ITGA6: variants seen among roughly 807,000 people sequenced by gnomAD.
The protein encoded by ITGA6 is integrin alpha-6.
In ITGA6, 63 loss-of-function variants were observed where a neutral mutation model predicts 133.6. The observed-to-expected ratio is 0.47, with a 90% confidence interval of 0.38 to 0.58. The LOEUF (loss-of-function observed/expected upper bound fraction) is 0.58, where lower values mean the gene tolerates loss of function less well. ITGA6 is among the 20% of genes least tolerant of loss of function. The probability of loss-of-function intolerance (pLI) is 0.00; values close to 1 mark genes in which losing one functional copy is unlikely to be tolerated. For missense variants in ITGA6, 1,068 were observed against 1,309.4 expected, an observed-to-expected ratio of 0.82 and a Z score of 2.85; for synonymous variants, 434 against 482.0, an observed-to-expected ratio of 0.90 and a Z score of 1.30.
At chr2:172,471,707 C>G (rs1685945292) in intron 5 of ITGA6, among the ~76,000 whole-genome samples, 1 of 152,074 alleles carries the variant, frequency 6.6e-6, no homozygotes, top group African/African-American at 2.4e-5. Flanking sequence ...TGTCTAAGGG[C>G]CAATTCTTAA....
chr2:172,490,745 G>A, intron 20 of ITGA6: 1 of 373,540 alleles, frequency 2.7e-6, no homozygotes, highest in Non-Finnish European at 5.1e-6. Context: ...CAGTTTGGTG[G>A]GGATACAGAG....
intron 23 of ITGA6, among the ~76,000 whole-genome samples, chr2:172,494,333 C>G (rs1444548894): frequency 6.6e-6 from 1 of 152,016 alleles, no homozygotes; most frequent in African/African-American, 2.4e-5. Context: ...ATAGCAAAAC[C>G]CCATCTCTAC....
In ITGA6 at chr2:172,447,350, G is replaced by A. The variant is rs775933956; in HGVS notation, c.183-18189G>A. Among the ~76,000 whole-genome samples, 12 of 152,120 alleles carry A rather than the reference G, an allele frequency of 7.9e-5. No individual in the cohort carries two copies. The East Asian group carries it at 1.5e-3, about 20-fold the overall frequency. On this transcript the variant is annotated intron_variant, in intron 1 of 25. Coordinates refer to ENST00000684293, the MANE Select transcript of ITGA6 (RefSeq NM_000210.4). ...CTCCCAAGTAGCTGGGATTGCAGGC[G>A]TCCACCACTATGCCCAGCTAATTTT...
chr2:172,483,753 G>A (rs1247583024), intron 11 of ITGA6, among the ~76,000 whole-genome samples: 1 of 152,112 alleles, frequency 6.6e-6, no homozygotes, highest in Non-Finnish European at 1.5e-5. Context: ...ATATTATGCT[G>A]ACCGACAGGC....
chr2:172,429,188 T>C (rs75369676), intron 1 of ITGA6, among the ~76,000 whole-genome samples: 1 of 150,654 alleles, frequency 6.6e-6, no homozygotes, highest in East Asian at 2.0e-4. Flanking sequence ...TTTTTTTTTT[T>C]CTGATAACAC....
intron 23 of ITGA6, among the ~76,000 whole-genome samples, chr2:172,497,518 AAAGT>A (rs1559156869): frequency 3.3e-5 from 5 of 151,736 alleles, no homozygotes; most frequent in African/African-American, 9.7e-5. Flanking sequence ...AAAAAAAAAA[AAAGT>A]ATGATTGTTC....
rs763284349 is a variant in ITGA6, at chr2:172,474,143, C to T, written c.864C>T (p.Ala288=). ...CTCCCAGAGCCAATCACAGTGGAGC[C>T]GTGGTTTTGCTGAAGAGAGACATGA... The part of the protein sequence containing the change: ...SGAPRANHSG[A]VVLLKRDMKS... The change falls in exon 6 of 26, where the codon GCC becomes GCT. Residue 288 remains alanine (A), a synonymous_variant. Coordinates refer to ENST00000684293, the MANE Select transcript of ITGA6 (RefSeq NM_000210.4). 8.1e-6 allele frequency: 13 copies of T among 1,613,832 alleles called. No homozygotes were observed. The highest frequency in any genetic ancestry group is 1.3e-5 in the African/African-American group (1 of 74,908).
chr2:172,493,270 A>G (rs903805688), intron 23 of ITGA6, among the ~76,000 whole-genome samples: 11 of 152,070 alleles, frequency 7.2e-5, no homozygotes, highest in Non-Finnish European at 1.5e-4. Context: ...AGTGGTATCA[A>G]CCAGCACTGT....
chr2:172,451,200 C>T (rs765084252), intron 1 of ITGA6, among the ~76,000 whole-genome samples: 13 of 150,844 alleles, frequency 8.6e-5, no homozygotes, highest in African/African-American at 2.4e-4. Context: ...AGGCCGGGCA[C>T]GGTGGTGTAA....
chr2:172,430,634 CTT>C (rs1684068078), intron 1 of ITGA6, among the ~76,000 whole-genome samples: 1 of 152,198 alleles, frequency 6.6e-6, no homozygotes, highest in Admixed American at 6.5e-5. Flanking sequence ...CCAGTTATGA[CTT>C]TTGCAGAATA....
intron 5 of ITGA6, chr2:172,473,035 C>A: frequency 1.6e-6 from 1 of 613,918 alleles, no homozygotes. Context: ...GGCTGGGGCT[C>A]TGTGGCCAGA....
At chr2:172,466,210 A>G (rs1427351674) in intron 2 of ITGA6, among the ~76,000 whole-genome samples, 1 of 152,220 alleles carries the variant, frequency 6.6e-6, no homozygotes, top group Non-Finnish European at 1.5e-5. Flanking sequence ...TTGTAGGTTG[A>G]GCAGAGCAAT....
At chr2:172,472,949 T>G in intron 5 of ITGA6, 4 of 1,065,496 alleles carry the variant, frequency 3.8e-6, no homozygotes, top group Non-Finnish European at 5.9e-6. Context: ...AAATTTTTTT[T>G]TTTGATCCAT....
At chr2:172,484,988 A>G (rs1686601754) in intron 12 of ITGA6, 46 bp downstream of exon 12, 2 of 1,604,448 alleles carry the variant, frequency 1.2e-6, no homozygotes, top group Non-Finnish European at 1.7e-6. Context: ...GAGGACAGAA[A>G]AAGGTTATAT....
chr2:172,487,589 GCTGA>G lies in ITGA6; in HGVS notation c.2207_2210del (p.Asp736ValfsTer19). The G allele has an allele frequency of 6.2e-7, 1 of 1,614,164 alleles. No homozygotes were observed. The highest frequency in any genetic ancestry group is 8.5e-7 in the Non-Finnish European group (1 of 1,180,014). ...TGTTGCCAACCAGAATGGCTCGCAA[GCTGA>G]CTGTGAGCTCGGAAATCCTTTTAAA... On this transcript the variant is annotated frameshift_variant, in exon 16 of 26. Transcript: ENST00000684293. LOFTEE classifies it high-confidence loss of function.
intron 5 of ITGA6, among the ~76,000 whole-genome samples, chr2:172,472,486 T>A: frequency 6.6e-6 from 1 of 152,200 alleles, no homozygotes. Context: ...TCAAACACAT[T>A]TGCCACTTTT....
At chr2:172,462,533 C>T (rs775368599) in intron 1 of ITGA6, among the ~76,000 whole-genome samples, 13 of 152,226 alleles carry the variant, frequency 8.5e-5, no homozygotes, top group African/African-American at 2.2e-4. Flanking sequence ...ATGTAAGACA[C>T]GAGGACCTCT....
intron 9 of ITGA6, among the ~76,000 whole-genome samples, chr2:172,476,909 C>G (rs536443132): frequency 1.8e-4 from 28 of 152,276 alleles, no homozygotes; most frequent in African/African-American, 6.5e-4. Flanking sequence ...GTATATTTAA[C>G]AAAATTAAGA....
intron 5 of ITGA6, 50 bp from the exon 6 acceptor site, chr2:172,474,005 C>G: frequency 1.5e-6 from 2 of 1,375,018 alleles, no homozygotes; most frequent in Non-Finnish European, 2.1e-6. Context: ...TGTCATAGGC[C>G]TAAAATATAT....
Sources: gnomAD v4.1 joint callset for allele counts (sites outside exome capture counted in the v4.1 genomes callset) on GRCh38, gnomAD v4.1.1 for gene constraint, MANE v1.5 for transcripts, NCBI Gene and HGNC (gene_info 2026-07-23, HGNC 2026-07-21) for gene names.